Variants in SLC9A5 observed in about 807,000 individuals in gnomAD.
The protein encoded by SLC9A5 is solute carrier family 9 member A5.
In SLC9A5, 52 loss-of-function variants were observed where a neutral mutation model predicts 91.7. The observed-to-expected ratio is 0.57, with a 90% CI of 0.45 to 0.71. SLC9A5 has a LOEUF of 0.71. Among genes scored for constraint, SLC9A5 ranks in the 30% least tolerant of loss-of-function variants. The probability of loss-of-function intolerance (pLI) is 0.00; values close to 1 mark genes in which losing one functional copy is unlikely to be tolerated. For missense variants in SLC9A5, 871 were observed against 1,158.9 expected (o/e 0.75, Z 3.61); for synonymous variants, 419 against 474.5 (o/e 0.88, Z 1.52).
Position 67,252,662 on chromosome 16 carries a change from A to T in SLC9A5, c.308A>T (p.Glu103Val), listed in dbSNP as rs759625127. ...GCCAAGAAAGCTGAGTACCAGCTGG[A>T]GCCAGGCACCTTCTTCCTCTTCCTG... The part of the protein sequence containing the change: ...AVAKKAEYQL[E>V]PGTFFLFLLP... Residue 103 changes from glutamate (E) to valine (V), a missense_variant, in exon 2 of 16, where the codon GAG (glutamate) becomes GTG (valine). Physicochemically the swap from Glu to Val is moderately radical, Grantham distance 121. Coordinates refer to ENST00000299798, the MANE Select transcript of SLC9A5 (RefSeq NM_004594.3). The surrounding 1 kb of genome is among the most constrained non-coding windows in gnomAD (Gnocchi z 4.0). 1.2e-6 allele frequency: 2 copies of T among 1,614,186 alleles called. No homozygotes were observed. Among genetic ancestry groups the T allele is most frequent in the East Asian group, 2.2e-5 (1 of 44,874 alleles).
Position 67,255,530 on chromosome 16 carries a change from G to A in SLC9A5, c.733+59G>A. The stretch of plus-strand genomic sequence containing the variant: ...GGTCTGCCTCCCCTGGGTTGCTGAG[G>A]CCCTCCCACCCCGCATCAGGACAGA... On this transcript the variant is annotated intron_variant, in intron 4 of 15. Coordinates refer to ENST00000299798, the MANE Select transcript of SLC9A5 (RefSeq NM_004594.3). The surrounding 1 kb of genome is among the most constrained non-coding windows in gnomAD (Gnocchi z 4.9). The A allele has an allele frequency of 1.3e-6, 2 of 1,530,428 alleles. No individual in the cohort carries two copies. The highest frequency in any genetic ancestry group is 1.1e-5 in the South Asian group (1 of 89,508). The allele number at this position is 1,530,428 out of a possible 1,614,324, so 94.8% of individuals were successfully genotyped here.
At chr16:67,253,650 G>T (rs2035211620) in intron 2 of SLC9A5, among the ~76,000 whole-genome samples, 1 of 152,192 alleles carries the variant, frequency 6.6e-6, no homozygotes, top group Non-Finnish European at 1.5e-5. Flanking sequence ...AGCCTCCTGA[G>T]TAGCTGGGAT....
chr16:67,270,630 C>A lies in SLC9A5; in HGVS notation c.2219-108C>A. 1.2e-6 allele frequency: 1 copy of A among 829,464 alleles called. No homozygotes were observed. Among genetic ancestry groups the A allele is most frequent in the Non-Finnish European group, 1.9e-6 (1 of 539,488 alleles). The allele number at this position is 829,464 out of a possible 1,614,324, so 51.4% of individuals were successfully genotyped here. A position where few individuals can be genotyped will look rare whatever the true frequency, so the allele number is the denominator to read the frequency against. ...CAGCAAGACATTCATCCGATAATCG[C>A]AAAAATGGACGGCATATGGAAACTG... On this transcript the variant is annotated intron_variant, in intron 15 of 15. Transcript: ENST00000299798. This position sits in a 1 kb window ranked among gnomAD's most constrained non-coding sequence, Gnocchi z 4.3.
chr16:67,255,379 C>G lies in SLC9A5; in HGVS notation c.655-14C>G. ...CCTTCCCGCCTCACTGCTGACTCTC[C>G]TCTTCTCGCTCAGGTGCTGTACAAG... is the stretch of plus-strand genomic sequence containing the variant. On this transcript the variant is annotated splice_polypyrimidine_tract_variant and intron_variant, in intron 3 of 15. Transcript: ENST00000299798. This position sits in a 1 kb window ranked among gnomAD's most constrained non-coding sequence, Gnocchi z 4.9. The G allele has an allele frequency of 6.2e-7, 1 of 1,606,116 alleles. No homozygotes were observed. The highest frequency in any genetic ancestry group is 1.7e-5 in the Admixed American group (1 of 59,880).
intron 15 of SLC9A5, among the ~76,000 whole-genome samples, 182 bp downstream of exon 15, chr16:67,266,407 A>C (rs1485307030): frequency 6.6e-6 from 1 of 152,158 alleles, no homozygotes; most frequent in Non-Finnish European, 1.5e-5. Flanking sequence ...CCCTCACAAC[A>C]ACCAAGATGG....
At chr16:67,249,269 C>T in intron 1 of SLC9A5, 68 bp downstream of exon 1, 1 of 1,246,608 alleles carries the variant, frequency 8.0e-7, no homozygotes, top group Non-Finnish European at 1.0e-6. Context: ...CCCCCACCTC[C>T]TCGGTCCTCA....
Position 67,257,484 on chromosome 16 carries a change from T to C in SLC9A5, c.1426-47T>C. On this transcript the variant is annotated intron_variant, in intron 8 of 15. Coordinates refer to ENST00000299798, the MANE Select transcript of SLC9A5 (RefSeq NM_004594.3). The surrounding 1 kb of genome is among the most constrained non-coding windows in gnomAD (Gnocchi z 5.1). Reference sequence around the variant, plus strand: ...GCCTGTCCCTCTCGACCTTCTCCTATTTTGGGCAGAGTCCTGATCCAGTCC... The same window carrying C: ...GCCTGTCCCTCTCGACCTTCTCCTACTTTGGGCAGAGTCCTGATCCAGTCC... The C allele has an allele frequency of 6.2e-7, 1 of 1,613,428 alleles. No homozygotes were observed. The highest frequency in any genetic ancestry group is 2.2e-5 in the East Asian group (1 of 44,878).
Position 67,252,759 on chromosome 16 carries a change from C to A in SLC9A5, c.405C>A (p.Ile135=), listed in dbSNP as rs778314473. 3.8e-5 allele frequency: 61 copies of A among 1,614,042 alleles called. No homozygotes were observed. The East Asian group carries it at 1.3e-3, about 35-fold the overall frequency. ...TGTTCTTTGACAACTTGGGTGCCAT[C>A]CTCACCTATGCCGTGGTAGGCACAC... ...SRLFFDNLGA[I]LTYAVVGTLW... The change falls in exon 2 of 16, where the codon ATC becomes ATA. Residue 135 remains isoleucine (I), a synonymous_variant. Transcript: ENST00000299798. The surrounding 1 kb of genome is among the most constrained non-coding windows in gnomAD (Gnocchi z 4.0).
rs1329272865 is a variant in SLC9A5, at chr16:67,259,473, A to G, written c.1627-100A>G. The G allele has an allele frequency of 3.6e-6, 3 of 825,090 alleles. No individual in the cohort carries two copies. The South Asian group carries it at 4.4e-5, about 12-fold the overall frequency. 51.1% of individuals were successfully genotyped at this position (825,090 alleles called of 1,614,324 possible). A position where few individuals can be genotyped will look rare whatever the true frequency, so the allele number is the denominator to read the frequency against. On this transcript the variant is annotated intron_variant, in intron 10 of 15. Coordinates refer to ENST00000299798, the MANE Select transcript of SLC9A5 (RefSeq NM_004594.3). ...AGCAGAGTACCTGGCATGTCAAAAGAGTAAACTAAGTGTTCGTTATTATTA... is the reference window on the plus strand; with the variant it reads ...AGCAGAGTACCTGGCATGTCAAAAGGGTAAACTAAGTGTTCGTTATTATTA...
chr16:67,254,081 T>A (rs969715473), intron 2 of SLC9A5, among the ~76,000 whole-genome samples: 1 of 152,170 alleles, frequency 6.6e-6, no homozygotes, highest in Non-Finnish European at 1.5e-5. Flanking sequence ...ATCTTTTGGG[T>A]GCTTACTATA....
At chr16:67,249,939 C>T (rs928296221) in intron 1 of SLC9A5, among the ~76,000 whole-genome samples, 1 of 152,242 alleles carries the variant, frequency 6.6e-6, no homozygotes, top group Non-Finnish European at 1.5e-5. Context: ...CTTTTCCTTG[C>T]ATCTGCTCCT....
intron 2 of SLC9A5, among the ~76,000 whole-genome samples, chr16:67,253,406 C>A (rs2035201369): frequency 2.0e-5 from 3 of 152,150 alleles, no homozygotes; most frequent in Admixed American, 1.3e-4. Flanking sequence ...ATCCCACTGA[C>A]TCTTCATAGC....
intron 12 of SLC9A5, among the ~76,000 whole-genome samples, chr16:67,260,638 G>T (rs924478950): frequency 1.3e-5 from 2 of 152,194 alleles, no homozygotes; most frequent in Non-Finnish European, 2.9e-5. Flanking sequence ...AGAGGAGGAG[G>T]AGACAGAGTA....
chr16:67,252,567 A>G lies in SLC9A5; in HGVS notation c.213A>G (p.Thr71=). 1 of 1,613,306 alleles carries G rather than the reference A, an allele frequency of 6.2e-7. No homozygotes were observed. Residue 71 remains threonine (T), a synonymous_variant, in exon 2 of 16, where the codon ACA becomes ACG. Transcript: ENST00000299798. The surrounding 1 kb of genome is among the most constrained non-coding windows in gnomAD (Gnocchi z 4.0). ...KIVFHLSRKV[T]SLVPESCLLI... is the part of the protein sequence containing the mutation. ...TGTTTCACCTGTCTCGGAAAGTAAC[A>G]TCTCTGGTCCCTGAGAGCTGCCTGC... is the stretch of plus-strand genomic sequence containing the variant.
chr16:67,261,986 C>T (rs1198703775), intron 12 of SLC9A5: 2 of 266,072 alleles, frequency 7.5e-6, no homozygotes, highest in Admixed American at 9.5e-5. Flanking sequence ...TAAGATTGGT[C>T]AATGGGTTCA....
chr16:67,270,999 T>A lies in SLC9A5; in HGVS notation c.2480T>A (p.Val827Asp), dbSNP rs749082630. The A allele has an allele frequency of 1.9e-6, 3 of 1,613,862 alleles. No homozygotes were observed. Among genetic ancestry groups the A allele is most frequent in the Non-Finnish European group, 2.5e-6 (3 of 1,179,890 alleles). Residue 827 changes from valine to aspartate, a missense_variant, in exon 16 of 16, where the codon GTC becomes GAC. Physicochemically the swap from Val to Asp is radical, Grantham distance 152. Transcript: ENST00000299798. The surrounding 1 kb of genome is among the most constrained non-coding windows in gnomAD (Gnocchi z 4.3). ...PHPRGTEEPQ[V>D]PLHLPSDPRS... ...CCACGGGGCACTGAAGAGCCCCAGGTCCCTCTCCACCTACCTTCTGATCCA... is the reference window on the plus strand; with the variant it reads ...CCACGGGGCACTGAAGAGCCCCAGGACCCTCTCCACCTACCTTCTGATCCA...
rs534246549 is a variant in SLC9A5 at position 67,259,451 on chromosome 16, A to G, written c.1627-122A>G. 1.7e-5 allele frequency: 12 copies of G among 695,904 alleles called. No homozygotes were observed. The African/African-American group carries it at 2.1e-4, about 12-fold the overall frequency. 43.1% of individuals were successfully genotyped at this position (695,904 alleles called of 1,614,324 possible). On this transcript the variant is annotated intron_variant, in intron 10 of 15. Transcript: ENST00000299798. ...GAATTCGATATGTAAAGTGCCTAGC[A>G]GAGTACCTGGCATGTCAAAAGAGTA...
chr16:67,271,026 G>A lies in SLC9A5; in HGVS notation c.2507G>A (p.Arg836His), dbSNP rs746687269. The A allele has an allele frequency of 3.1e-6, 5 of 1,613,234 alleles. No homozygotes were observed. Among genetic ancestry groups the A allele is most frequent in the Admixed American group, 1.7e-5 (1 of 59,966 alleles). The change falls in exon 16 of 16, where the codon CGC becomes CAC. Residue 836 changes from arginine (R) to histidine (H), a missense_variant. By Grantham distance (29) the Arg-to-His change is conservative (BLOSUM62 0). Coordinates refer to ENST00000299798, the MANE Select transcript of SLC9A5 (RefSeq NM_004594.3). ...CCTCTCCACCTACCTTCTGATCCAC[G>A]CTCTAGCTTCGCCTTCCCACCGAGC... is the stretch of plus-strand genomic sequence containing the variant. ...QVPLHLPSDP[R>H]SSFAFPPSLA...
At position 67,271,021 on chromosome 16, in the gene SLC9A5, T is replaced by C; in HGVS notation, c.2502T>C (p.Asp834=). The change falls in exon 16 of 16, where the codon GAT becomes GAC. Residue 834 remains aspartate, a synonymous_variant. Transcript: ENST00000299798. The part of the protein sequence containing the change: ...EPQVPLHLPS[D]PRSSFAFPPS... ...AGGTCCCTCTCCACCTACCTTCTGA[T>C]CCACGCTCTAGCTTCGCCTTCCCAC... 2 of 1,613,598 alleles carry C rather than the reference T, an allele frequency of 1.2e-6. No individual in the cohort carries two copies. The highest frequency in any genetic ancestry group is 2.7e-5 in the African/African-American group (2 of 75,024).
Sources: allele counts gnomAD v4.1 joint callset (sites outside exome capture counted in the v4.1 genomes callset), GRCh38; gene constraint gnomAD v4.1.1; non-coding constraint Gnocchi (gnomAD v3.1); transcripts MANE v1.5; gene names NCBI Gene and HGNC (gene_info 2026-07-23, HGNC 2026-07-21).